TECTB: variants seen among roughly 807,000 people sequenced by gnomAD.
TECTB encodes beta-tectorin.
A neutral mutation model predicts 43.3 loss-of-function variants in TECTB; 45 were observed. The ratio of observed to expected loss-of-function variants is 1.04; its 90% CI spans 0.82 to 1.33. The LOEUF is 1.33. TECTB is among the 40% of genes most tolerant of loss of function. The pLI is 0.00. For synonymous variants in TECTB, 169 were observed against 156.7 expected (o/e 1.08, Z -0.59); for missense variants, 399 against 404.7 (o/e 0.99, Z 0.12).
At position 112,293,782 on chromosome 10, in the gene TECTB, G is replaced by A; in HGVS notation, c.528G>A (p.Glu176=). 2 of 1,614,138 alleles carry A rather than the reference G, an allele frequency of 1.2e-6. No individual in the cohort carries two copies. Among genetic ancestry groups the A allele is most frequent in the Non-Finnish European group, 1.7e-6 (2 of 1,180,030 alleles). The part of the protein sequence containing the change: ...SIKKEAPFVL[E]ASEIGSDLFA... ...AGAAAGAAGCTCCCTTTGTCCTGGA[G>A]GCATCCGAAATCGGTTCAGATCTGT... is the stretch of plus-strand genomic sequence containing the variant. Residue 176 remains glutamate (E), a synonymous_variant, in exon 6 of 11, where the codon GAG becomes GAA. Coordinates refer to ENST00000646139, the MANE Select transcript of TECTB (RefSeq NM_058222.3).
chr10:112,288,395 G>A (rs1564707333), intron 5 of TECTB, among the ~76,000 whole-genome samples: 1 of 151,990 alleles, frequency 6.6e-6, no homozygotes, highest in Non-Finnish European at 1.5e-5. Flanking sequence ...CCATCCTCTG[G>A]GCTGGACAGA....
At chr10:112,284,891 T>A (rs1452377852) in intron 3 of TECTB, among the ~76,000 whole-genome samples, 166 bp downstream of exon 3, 2 of 152,232 alleles carry the variant, frequency 1.3e-5, no homozygotes, top group Admixed American at 1.3e-4. Context: ...TTTAAAATAT[T>A]CTCTTCTGCC....
In TECTB at chr10:112,284,618, G is replaced by C; in HGVS notation, c.160G>C (p.Ala54Pro). The change falls in exon 3 of 11, where the codon GCC becomes CCC. Residue 54 changes from alanine (A) to proline (P), a missense_variant. By Grantham distance (27) the Ala-to-Pro change is conservative (BLOSUM62 -1). Transcript: ENST00000646139. ...CPYGWEVHQL[A>P]LGGLCYNGVH... ...CTATGGATGGGAAGTTCATCAGCTG[G>C]CCCTCGGAGGGCTGTGTTACAATGG... The C allele has an allele frequency of 6.2e-7, 1 of 1,613,712 alleles. No individual in the cohort carries two copies. The highest frequency in any genetic ancestry group is 8.5e-7 in the Non-Finnish European group (1 of 1,179,822).
chr10:112,283,843 GA>G, intron 2 of TECTB, 33 bp downstream of exon 2: 1 of 1,606,554 alleles, frequency 6.2e-7, no homozygotes. Flanking sequence ...TTCCTGGGAC[GA>G]AAAGTTTCCT....
intron 10 of TECTB, chr10:112,302,899 C>G (rs1228679354): frequency 3.9e-6 from 1 of 256,448 alleles, no homozygotes; most frequent in South Asian, 8.8e-5. Context: ...TGGGGTAAGA[C>G]AGTTCACTTA....
rs191979569 is a variant in TECTB, at chr10:112,288,353, T to C, written c.483+1962T>C. On this transcript the variant is annotated intron_variant, in intron 5 of 10. Transcript: ENST00000646139. ...TTATTTTCTTAAAAAAAAATAATAATAATAAGAGACATGTCCTCAGCATCC... is the reference window on the plus strand; with the variant it reads ...TTATTTTCTTAAAAAAAAATAATAACAATAAGAGACATGTCCTCAGCATCC... 3.1e-3 allele frequency among the ~76,000 whole-genome samples: 465 copies of C among 152,008 alleles called. 2 individuals carry two copies. The highest frequency in any genetic ancestry group is 0.011 in the African/African-American group (438 of 41,458).
chr10:112,295,857 G>A (rs1305841116), intron 7 of TECTB, among the ~76,000 whole-genome samples: 1 of 152,218 alleles, frequency 6.6e-6, no homozygotes, highest in Non-Finnish European at 1.5e-5. Context: ...AGGGATGCCT[G>A]TGGCTTTGGG....
Position 112,293,789 on chromosome 10 carries a change from G to A in TECTB, c.535G>A (p.Glu179Lys), listed in dbSNP as rs766277733. Residue 179 changes from glutamate (E) to lysine (K), a missense_variant, in exon 6 of 11, where the codon GAA (glutamate) becomes AAA (lysine). Physicochemically the swap from Glu to Lys is moderately conservative, Grantham distance 56. Coordinates refer to ENST00000646139, the MANE Select transcript of TECTB (RefSeq NM_058222.3). ...AGCTCCCTTTGTCCTGGAGGCATCC[G>A]AAATCGGTTCAGATCTGTTTGCAGG... is the stretch of plus-strand genomic sequence containing the variant. ...KEAPFVLEAS[E>K]IGSDLFAGVE... 8.7e-6 allele frequency: 14 copies of A among 1,614,016 alleles called. No homozygotes were observed. The highest frequency in any genetic ancestry group is 6.6e-5 in the South Asian group (6 of 91,080).
At chr10:112,300,345 A>AGAAG (rs72242708) in intron 9 of TECTB, among the ~76,000 whole-genome samples, 42 of 147,056 alleles carry the variant, frequency 2.9e-4, no homozygotes, top group East Asian at 2.1e-4. Context: ...AAGAAAAGAA[A>AGAAG]GAAGGAAGGA....
At chr10:112,299,811 A>C (rs1294371908) in intron 9 of TECTB, 13 of 488,540 alleles carry the variant, frequency 2.7e-5, no homozygotes, top group Admixed American at 2.6e-4. Context: ...ACCCCCAAAG[A>C]ATCAGGAAGT....
At chr10:112,300,279 A>AAAAGAAAGAAAGAAAGAAAGAAAG (rs71303596) in intron 9 of TECTB, among the ~76,000 whole-genome samples, 163 of 48,334 alleles carry the variant, frequency 3.4e-3, no homozygotes, top group African/African-American at 6.1e-3. Flanking sequence ...AGAAAGAAAG[A>AAAAGAAAGAAAGAAAGAAAGAAAG]AAAGAAAGAA....
rs762243145 is a variant in TECTB, at chr10:112,286,205, T to C, written c.402T>C (p.Phe134=). ...HSTYLVNQAA[F]DQRVATVHVK... ...CCTACTTGGTGAACCAGGCTGCCTT[T>C]GACCAGAGGTAAGTTGCTGTGCGGC... is the stretch of plus-strand genomic sequence containing the variant. Residue 134 remains phenylalanine, a synonymous_variant, in exon 4 of 11, where the codon TTT becomes TTC. Transcript: ENST00000646139. 1.5e-5 allele frequency: 25 copies of C among 1,614,052 alleles called. No individual in the cohort carries two copies. Among genetic ancestry groups the C allele is most frequent in the Non-Finnish European group, 2.1e-5 (25 of 1,180,020 alleles).
In TECTB at chr10:112,303,260, C is replaced by T. The variant is rs778816700; in HGVS notation, c.941-3C>T. On this transcript the variant is annotated splice_region_variant and splice_polypyrimidine_tract_variant and intron_variant, in intron 10 of 10. Coordinates refer to ENST00000646139, the MANE Select transcript of TECTB (RefSeq NM_058222.3). ...GCCATCTCCCTCCCCTTCTGGTCCA[C>T]AGATGTTCTCCACCACCTCATCATG... is the stretch of plus-strand genomic sequence containing the variant. The T allele has an allele frequency of 5.6e-6, 9 of 1,614,022 alleles. No individual in the cohort carries two copies. The highest frequency in any genetic ancestry group is 6.8e-6 in the Non-Finnish European group (8 of 1,179,998).
chr10:112,287,444 G>C (rs986495852), intron 5 of TECTB, among the ~76,000 whole-genome samples: 1 of 152,182 alleles, frequency 6.6e-6, no homozygotes, highest in Non-Finnish European at 1.5e-5. Context: ...GGAAGATGTG[G>C]GCAGAAATAC....
intron 3 of TECTB, among the ~76,000 whole-genome samples, 154 bp from the exon 4 acceptor site, chr10:112,285,917 C>T (rs756682918): frequency 3.9e-5 from 6 of 152,172 alleles, no homozygotes; most frequent in East Asian, 1.9e-4. Flanking sequence ...TCAGCTCACC[C>T]GCAGACAAGA....
rs1463526054 is a variant in TECTB at position 112,304,366 on chromosome 10, C to T, written c.*1054C>T. On this transcript the variant is annotated 3_prime_UTR_variant, in exon 11 of 11. Transcript: ENST00000646139. ...AATGAAGCTAACACAAAATCAGAAA[C>T]ACAAATGCAAATGCAGCCAATGAAA... 1 of 152,224 alleles carries T rather than the reference C, an allele frequency of 6.6e-6. No homozygotes were observed. The highest frequency in any genetic ancestry group is 2.4e-5 in the African/African-American group (1 of 41,454). 9.4% of individuals were successfully genotyped at this position (152,224 alleles called of 1,614,324 possible). A position where few individuals can be genotyped will look rare whatever the true frequency, so the allele number is the denominator to read the frequency against.
intron 9 of TECTB, among the ~76,000 whole-genome samples, chr10:112,300,264 A>AAG (rs1258905049): frequency 2.6e-5 from 1 of 38,642 alleles, no homozygotes; most frequent in Admixed American, 2.7e-4. Context: ...GAAAGAAAGA[A>AAG]AGAAAGAAAG....
At chr10:112,300,114 A>C (rs1448303274) in intron 9 of TECTB, among the ~76,000 whole-genome samples, 1 of 150,144 alleles carries the variant, frequency 6.7e-6, no homozygotes, top group Non-Finnish European at 1.5e-5. Context: ...GTGAGCTGAG[A>C]TCGCGCCATT....
intron 5 of TECTB, among the ~76,000 whole-genome samples, chr10:112,291,715 T>C (rs910585344): frequency 2.6e-5 from 4 of 152,232 alleles, no homozygotes; most frequent in African/African-American, 9.6e-5. Flanking sequence ...AAAGGTTATG[T>C]CCATTTTGCA....
Sources: gnomAD v4.1 joint callset for allele counts (sites outside exome capture counted in the v4.1 genomes callset) on GRCh38, gnomAD v4.1.1 for gene constraint, MANE v1.5 for transcripts, NCBI Gene and HGNC (gene_info 2026-07-23, HGNC 2026-07-21) for gene names.